Variants in BMPR1B observed in about 807,000 individuals in gnomAD.
The protein encoded by BMPR1B is bone morphogenetic protein receptor type-1B.
BMPR1B carries 12 observed loss-of-function variants against 59.1 expected under a neutral mutation model. That is an observed-to-expected ratio of 0.20 (90% CI 0.13 to 0.33). The LOEUF is 0.33. BMPR1B is among the 10% of genes least tolerant of loss of function. The probability of loss-of-function intolerance (pLI) is 1.00; values close to 1 mark genes in which losing one functional copy is unlikely to be tolerated. For synonymous variants in BMPR1B, 237 were observed against 207.3 expected (o/e 1.14, Z -1.23); for missense variants, 550 against 610.9 (o/e 0.90, Z 1.05).
intron 2 of BMPR1B, among the ~76,000 whole-genome samples, chr4:94,919,653 G>A (rs1422802893): frequency 2.0e-5 from 3 of 152,026 alleles, no homozygotes; most frequent in Non-Finnish European, 4.4e-5. Context: ...CTCTCCCGTG[G>A]CCACAAGGAG....
chr4:94,953,750 C>T (rs1250201353), intron 2 of BMPR1B, among the ~76,000 whole-genome samples: 2 of 151,966 alleles, frequency 1.3e-5, no homozygotes, highest in Non-Finnish European at 2.9e-5. Context: ...TTGCCGTTCT[C>T]GAGGAGTATC....
chr4:94,881,290 C>G (rs916006817), intron 2 of BMPR1B, among the ~76,000 whole-genome samples: 4 of 152,002 alleles, frequency 2.6e-5, no homozygotes, highest in African/African-American at 9.7e-5. Context: ...GATATAAGAC[C>G]TCTCCCCCAC....
At chr4:95,076,037 A>G (rs1051670638) in intron 3 of BMPR1B, among the ~76,000 whole-genome samples, 20 of 152,290 alleles carry the variant, frequency 1.3e-4, no homozygotes, top group African/African-American at 4.3e-4. Flanking sequence ...AAATACTAAA[A>G]TGTACAGAAG....
chr4:94,948,283 C>A (rs1264173071), intron 2 of BMPR1B, among the ~76,000 whole-genome samples: 2 of 152,236 alleles, frequency 1.3e-5, no homozygotes, highest in East Asian at 1.9e-4. Context: ...CACCAGAATC[C>A]CTTTGAGAAG....
chr4:94,787,778 G>T (rs1722815615), intron 1 of BMPR1B, among the ~76,000 whole-genome samples: 1 of 143,688 alleles, frequency 7.0e-6, no homozygotes. Flanking sequence ...AGAAAGAAAA[G>T]ATATTTTTTC....
intron 2 of BMPR1B, among the ~76,000 whole-genome samples, chr4:94,902,604 G>GTT (rs11397011): frequency 1.3e-5 from 2 of 151,636 alleles, no homozygotes; most frequent in Non-Finnish European, 2.9e-5. Flanking sequence ...GAATTTTTCT[G>GTT]TTTTTTTCTG....
chr4:94,951,753 C>G (rs1729947619), intron 2 of BMPR1B, among the ~76,000 whole-genome samples: 1 of 152,116 alleles, frequency 6.6e-6, no homozygotes, highest in Non-Finnish European at 1.5e-5. Context: ...GTTTTGGTAT[C>G]AGGAAGATGC....
At chr4:94,993,576 A>T (rs1210041758) in intron 2 of BMPR1B, among the ~76,000 whole-genome samples, 2 of 152,032 alleles carry the variant, frequency 1.3e-5, no homozygotes, top group Non-Finnish European at 2.9e-5. Context: ...CCTGGCCAAC[A>T]TGGCAAAACA....
chr4:95,139,325 A>G lies in BMPR1B; in HGVS notation c.1076+7813A>G, dbSNP rs1176684996. On this transcript the variant is annotated intron_variant, in intron 10 of 12. Coordinates refer to ENST00000515059, the MANE Select transcript of BMPR1B (RefSeq NM_001203.3). The stretch of plus-strand genomic sequence containing the variant: ...CTGTATGAGGTGTCAGTCGGCCCCT[A>G]CTGGGAGGTGCCTCCCAGTTAGGCT... 3.3e-5 allele frequency among the ~76,000 whole-genome samples: 5 copies of G among 152,232 alleles called. No homozygotes were observed. In the South Asian group the frequency reaches 1.0e-3, roughly 32 times the overall value.
At chr4:95,063,829 A>C (rs890524089) in intron 3 of BMPR1B, among the ~76,000 whole-genome samples, 2 of 152,296 alleles carry the variant, frequency 1.3e-5, no homozygotes, top group Admixed American at 6.5e-5. Context: ...GAAAATAAAC[A>C]ATAAAAGTAG....
At chr4:94,805,953 T>C (rs1723590495) in intron 1 of BMPR1B, among the ~76,000 whole-genome samples, 2 of 152,330 alleles carry the variant, frequency 1.3e-5, no homozygotes, top group African/African-American at 4.8e-5. Flanking sequence ...GAGAAGATTT[T>C]CCATGCAACC....
chr4:95,010,511 T>G (rs1723144379), intron 3 of BMPR1B, among the ~76,000 whole-genome samples: 1 of 152,184 alleles, frequency 6.6e-6, no homozygotes, highest in Non-Finnish European at 1.5e-5. Context: ...CTCTCATTAG[T>G]TGTCCCACTT....
intron 1 of BMPR1B, among the ~76,000 whole-genome samples, chr4:94,804,960 G>A (rs1200162948): frequency 1.3e-5 from 2 of 152,186 alleles, no homozygotes; most frequent in South Asian, 2.1e-4. Flanking sequence ...ACATAATTCT[G>A]GAATTCATTA....
At chr4:94,833,655 A>G (rs1724688599) in intron 1 of BMPR1B, among the ~76,000 whole-genome samples, 1 of 152,108 alleles carries the variant, frequency 6.6e-6, no homozygotes, top group South Asian at 2.1e-4. Context: ...CCTAAGTTCA[A>G]TGCTGTTGTT....
intron 1 of BMPR1B, among the ~76,000 whole-genome samples, chr4:94,782,281 A>G (rs1181614279): frequency 6.7e-6 from 1 of 149,850 alleles, no homozygotes; most frequent in Non-Finnish European, 1.5e-5. Flanking sequence ...ACTTCCTTCT[A>G]CTCAGTTTTG....
chr4:95,085,975 T>TTG (rs1729540974), intron 3 of BMPR1B, among the ~76,000 whole-genome samples: 1 of 133,896 alleles, frequency 7.5e-6, no homozygotes, highest in Non-Finnish European at 1.6e-5. Context: ...GTGGACATAT[T>TTG]TGTGTGTGTG....
chr4:94,971,365 GTTA>G (rs1035231332), intron 2 of BMPR1B, among the ~76,000 whole-genome samples: 2 of 152,188 alleles, frequency 1.3e-5, no homozygotes, highest in South Asian at 4.1e-4. Flanking sequence ...CTAAGGGTAT[GTTA>G]TTATTTTACT....
intron 1 of BMPR1B, among the ~76,000 whole-genome samples, chr4:94,843,028 G>T (rs777017121): frequency 6.6e-6 from 1 of 151,962 alleles, no homozygotes; most frequent in Non-Finnish European, 1.5e-5. Context: ...GTCATAATAG[G>T]ACATACTCTC....
intron 3 of BMPR1B, among the ~76,000 whole-genome samples, chr4:95,042,705 C>T (rs980250788): frequency 3.3e-5 from 5 of 152,258 alleles, no homozygotes; most frequent in Admixed American, 1.3e-4. Context: ...TCATTGTTGT[C>T]ATCATGATCC....
Sources: gnomAD v4.1 joint callset for allele counts (sites outside exome capture counted in the v4.1 genomes callset) on GRCh38, gnomAD v4.1.1 for gene constraint, MANE v1.5 for transcripts, NCBI Gene and HGNC (gene_info 2026-07-23, HGNC 2026-07-21) for gene names.